IL34: variants seen among roughly 807,000 people sequenced by gnomAD.
IL34 encodes interleukin 34, also known as interleukin-34.
A neutral mutation model predicts 25.3 loss-of-function variants in IL34; 17 were observed. That is an observed-to-expected ratio of 0.67 (90% CI 0.46 to 1.01). IL34 has a LOEUF of 1.01. Ranked by LOEUF, IL34 falls within the 50% of genes least tolerant of loss-of-function variation. The probability of loss-of-function intolerance (pLI) is 0.00; values close to 1 mark genes in which losing one functional copy is unlikely to be tolerated. For missense variants in IL34, 368 were observed against 312.9 expected (o/e 1.18, Z -1.33); for synonymous variants, 174 against 140.9 (o/e 1.23, Z -1.66).
At position 70,641,260 on chromosome 16, in the gene IL34, G is replaced by A. The variant is rs569573252; in HGVS notation, c.-400-5288G>A. Among the ~76,000 whole-genome samples the A allele has an allele frequency of 5.2e-5, 7 of 135,694 alleles. No homozygotes were observed. The East Asian group carries it at 1.2e-3, about 24-fold the overall frequency. The allele number at this position is 135,694 out of a possible 152,430, so 89.0% of individuals were successfully genotyped here. A position where few individuals can be genotyped will look rare whatever the true frequency, so the allele number is the denominator to read the frequency against. The stretch of plus-strand genomic sequence containing the variant: ...TGCACTCCAGCTTGGGCAACAGAGC[G>A]AGACTTCATCTCAAAACAACAACAA... On this transcript the variant is annotated intron_variant, in intron 1 of 6. Coordinates refer to the IL34 transcript ENST00000429149.
chr16:70,623,964 A>AT, intron 1 of IL34, among the ~76,000 whole-genome samples: 1 of 123,420 alleles, frequency 8.1e-6, no homozygotes. Flanking sequence ...GATTAAGGCG[A>AT]CGGACTTACC....
At chr16:70,650,201 T>C (rs2052044458) in intron 1 of IL34, among the ~76,000 whole-genome samples, 1 of 152,032 alleles carries the variant, frequency 6.6e-6, no homozygotes, top group Admixed American at 6.6e-5. Context: ...GTGCAGAGCA[T>C]GTGGGGGACA....
intron 1 of IL34, among the ~76,000 whole-genome samples, chr16:70,614,063 A>G (rs929757694): frequency 6.6e-6 from 1 of 151,638 alleles, no homozygotes; most frequent in African/African-American, 2.4e-5. Flanking sequence ...GCACGCCTGT[A>G]GCCCCAGCTA....
chr16:70,604,243 A>G (rs1347419614), intron 1 of IL34, among the ~76,000 whole-genome samples: 2 of 152,214 alleles, frequency 1.3e-5, no homozygotes, highest in African/African-American at 4.8e-5. Flanking sequence ...CTTGAACCCA[A>G]AATAAAAAAA....
chr16:70,654,845 C>T (rs887060776), intron 2 of IL34, among the ~76,000 whole-genome samples, 174 bp downstream of exon 2: 7 of 152,108 alleles, frequency 4.6e-5, no homozygotes, highest in Non-Finnish European at 7.4e-5. Flanking sequence ...CACTTACTGA[C>T]CCTCCTCCTG....
intron 1 of IL34, among the ~76,000 whole-genome samples, chr16:70,596,951 T>A (rs7197333): frequency 4.6e-5 from 7 of 151,828 alleles, no homozygotes; most frequent in African/African-American, 1.7e-4. Flanking sequence ...CCCATAATAC[T>A]CCATTGCCTC....
At chr16:70,645,285 C>T (rs1189295457), upstream of IL34, among the ~76,000 whole-genome samples, 1 of 152,156 alleles carries the variant, frequency 6.6e-6, no homozygotes, top group African/African-American at 2.4e-5. Flanking sequence ...CGTGTTCTCT[C>T]TATAAGGCCC....
upstream of IL34, among the ~76,000 whole-genome samples, chr16:70,645,230 G>A (rs1301192365): frequency 6.6e-6 from 1 of 152,044 alleles, no homozygotes. Context: ...CAGCGACTGG[G>A]GCTGAGATTC....
At chr16:70,636,628 C>CACACACAA (rs2051654205) in intron 1 of IL34, among the ~76,000 whole-genome samples, 2 of 121,858 alleles carry the variant, frequency 1.6e-5, no homozygotes, top group African/African-American at 3.2e-5. Context: ...CACACACACA[C>CACACACAA]AAAATTAGCT....
chr16:70,644,369 T>C (rs549073732), upstream of IL34, among the ~76,000 whole-genome samples: 30 of 152,270 alleles, frequency 2.0e-4, no homozygotes, highest in South Asian at 6.2e-4. Context: ...CCCAGCCAGA[T>C]TGACAATTTT....
At chr16:70,625,427 G>A (rs1446872033) in intron 1 of IL34, among the ~76,000 whole-genome samples, 1 of 152,120 alleles carries the variant, frequency 6.6e-6, no homozygotes, top group East Asian at 1.9e-4. Context: ...CCCTAGAAAA[G>A]CGGGACTTGC....
chr16:70,585,531 C>G (rs998356140), intron 1 of IL34, among the ~76,000 whole-genome samples: 1 of 151,614 alleles, frequency 6.6e-6, no homozygotes, highest in Non-Finnish European at 1.5e-5. Context: ...ACTAAAAATA[C>G]AAAATTAGCC....
intron 1 of IL34, among the ~76,000 whole-genome samples, chr16:70,609,917 T>C (rs1351695882): frequency 6.6e-6 from 1 of 152,176 alleles, no homozygotes. Context: ...AAAATGTGAA[T>C]GTCAGGCTGG....
intron 1 of IL34, among the ~76,000 whole-genome samples, chr16:70,628,270 C>G (rs910769290): frequency 6.6e-6 from 1 of 152,148 alleles, no homozygotes; most frequent in Non-Finnish European, 1.5e-5. Context: ...ATTGGACCTA[C>G]TTATGATGTT....
intron 1 of IL34, among the ~76,000 whole-genome samples, chr16:70,618,354 G>C (rs558696245): frequency 6.6e-6 from 1 of 152,184 alleles, no homozygotes; most frequent in South Asian, 2.1e-4. Context: ...AATAATGTGG[G>C]AGGCCGGATT....
intron 1 of IL34, among the ~76,000 whole-genome samples, chr16:70,584,707 C>CTT (rs201917245): frequency 1.6e-4 from 24 of 147,478 alleles, no homozygotes; most frequent in African/African-American, 4.7e-4. Flanking sequence ...CTCTCTCTCT[C>CTT]TTTTTTTTTT....
At chr16:70,654,439 C>G in intron 1 of IL34, 99 bp from the exon 2 acceptor site, 1 of 1,460,462 alleles carries the variant, frequency 6.8e-7, no homozygotes, top group Non-Finnish European at 9.3e-7. Flanking sequence ...TGCTTGTCTC[C>G]TATGCAAATG....
At chr16:70,606,221 AC>A (rs2051002040) in intron 1 of IL34, among the ~76,000 whole-genome samples, 1 of 150,832 alleles carries the variant, frequency 6.6e-6, no homozygotes, top group South Asian at 2.1e-4. Flanking sequence ...ACATGGCGAA[AC>A]CCCGTCTCTA....
At chr16:70,640,216 A>G (rs551168244) in intron 1 of IL34, among the ~76,000 whole-genome samples, 84 of 152,220 alleles carry the variant, frequency 5.5e-4, no homozygotes, top group African/African-American at 2.0e-3. Context: ...ATCGTGGCTC[A>G]CTGCAGCCTT....
Sources: allele counts gnomAD v4.1 joint callset (sites outside exome capture counted in the v4.1 genomes callset), GRCh38; gene constraint gnomAD v4.1.1; transcripts MANE v1.5; gene names NCBI Gene and HGNC (gene_info 2026-07-23, HGNC 2026-07-21).